The following DUSP22 variants were observed in gnomAD, a reference collection of about 807,000 sequenced individuals.
DUSP22 encodes dual specificity phosphatase 22.
In DUSP22, 24 loss-of-function variants were observed where a neutral mutation model predicts 24.5. The observed-to-expected ratio is 0.98, with a 90% CI of 0.71 to 1.38. The LOEUF is 1.38. Among genes scored for constraint, DUSP22 ranks in the 40% most tolerant of loss-of-function variants. The probability of loss-of-function intolerance (pLI) is 0.00; values close to 1 mark genes in which losing one functional copy is unlikely to be tolerated. For missense variants in DUSP22, 330 were observed against 269.2 expected (o/e 1.23, Z -1.58); for synonymous variants, 160 against 106.4 (o/e 1.50, Z -3.10).
Position 317,615 on chromosome 6 carries a change from C to G in DUSP22, c.138+5653C>G, listed in dbSNP as rs541406923. On this transcript the variant is annotated intron_variant, in intron 3 of 6. Coordinates refer to ENST00000419235, the MANE Select transcript of DUSP22 (RefSeq NM_001286555.3). The stretch of plus-strand genomic sequence containing the variant: ...AGTTGGGCCATGAGACACGTGTGCA[C>G]TGTCCCTGCTTCTGTAGGATATTAA... 1.1e-4 allele frequency among the ~76,000 whole-genome samples: 17 copies of G among 152,408 alleles called. No individual in the cohort carries two copies. In the East Asian group the frequency reaches 2.1e-3, roughly 19 times the overall value.
In DUSP22 at chr6:333,251, C is replaced by CTT. The variant is rs547482623; in HGVS notation, c.139-1861_139-1860dup. ...AAAGGAGGGAGAAGCTGCTGCCTCA[C>CTT]TTTCCTCTTCCACCAGCAGATTCTA... On this transcript the variant is annotated intron_variant, in intron 3 of 6. Transcript: ENST00000419235. Among the ~76,000 whole-genome samples the CTT allele has an allele frequency of 5.2e-5, 8 of 152,408 alleles. No individual in the cohort carries two copies. In the East Asian group the frequency reaches 1.5e-3, roughly 29 times the overall value.
chr6:345,578 G>A (rs1162454109), intron 4 of DUSP22, among the ~76,000 whole-genome samples: 3 of 152,312 alleles, frequency 2.0e-5, no homozygotes, highest in Non-Finnish European at 4.4e-5. Context: ...TATGTTTCAA[G>A]ATAGCTACAA....
intron 4 of DUSP22, among the ~76,000 whole-genome samples, chr6:335,529 T>C (rs1034793611): frequency 3.0e-4 from 46 of 152,278 alleles, no homozygotes; most frequent in Non-Finnish European, 6.3e-4. Flanking sequence ...TAGAAATAGA[T>C]AGTGAGCCAC....
chr6:335,108 C>T lies in DUSP22; in HGVS notation c.139-6C>T. On this transcript the variant is annotated splice_region_variant and splice_polypyrimidine_tract_variant and intron_variant, in intron 3 of 6. Transcript: ENST00000419235. Reference sequence around the variant, plus strand: ...TTTTATGTATTTACTTTTTATTATTCTGCAGGGAGTTAAATACCTGTGCAT... The same window carrying T: ...TTTTATGTATTTACTTTTTATTATTTTGCAGGGAGTTAAATACCTGTGCAT... 6 of 1,613,242 alleles carry T rather than the reference C, an allele frequency of 3.7e-6. No homozygotes were observed. In the South Asian group the frequency reaches 6.6e-5, roughly 18 times the overall value.
chr6:301,997 G>T (rs1266076765), intron 1 of DUSP22, among the ~76,000 whole-genome samples: 2 of 152,306 alleles, frequency 1.3e-5, no homozygotes, highest in Non-Finnish European at 2.9e-5. Flanking sequence ...GCAAAAATGG[G>T]CCATAATCTG....
At chr6:328,022 T>G (rs1249145603) in intron 3 of DUSP22, among the ~76,000 whole-genome samples, 1 of 152,302 alleles carries the variant, frequency 6.6e-6, no homozygotes, top group Admixed American at 6.5e-5. Flanking sequence ...GCAGCTGAGA[T>G]GTGTGATCAG....
chr6:325,039 G>A (rs186290324), intron 3 of DUSP22: 217 of 191,312 alleles, frequency 1.1e-3, no homozygotes, highest in Admixed American at 3.6e-3. Flanking sequence ...GAAGAGCAGT[G>A]TGGCCCTCTC....
chr6:319,610 C>A (rs1234083421), intron 3 of DUSP22, among the ~76,000 whole-genome samples: 5 of 152,294 alleles, frequency 3.3e-5, no homozygotes. Context: ...GCAAGATTTC[C>A]CATTTGCGTT....
chr6:315,177 T>C (rs1345810039), intron 3 of DUSP22, among the ~76,000 whole-genome samples: 1 of 152,298 alleles, frequency 6.6e-6, no homozygotes, highest in Non-Finnish European at 1.5e-5. Flanking sequence ...GGGTAGACCT[T>C]CCAGAATGAA....
rs1413850327 is a variant in DUSP22, at chr6:336,851, A to G, written c.188+1688A>G. Among the ~76,000 whole-genome samples the G allele has an allele frequency of 7.2e-5, 11 of 152,420 alleles. No individual in the cohort carries two copies. The South Asian group carries it at 2.3e-3, about 32-fold the overall frequency. The stretch of plus-strand genomic sequence containing the variant: ...CAGAAGTGGTTGGAAGGCATGGTGC[A>G]CACGGAAGGAAGTGAGCCACTGCCT... On this transcript the variant is annotated intron_variant, in intron 4 of 6. Transcript: ENST00000419235.
intron 4 of DUSP22, among the ~76,000 whole-genome samples, chr6:339,057 A>G (rs1331597665): frequency 2.0e-5 from 3 of 152,308 alleles, no homozygotes; most frequent in African/African-American, 7.2e-5. Context: ...TTGCCAAGTC[A>G]GGAAATGTAA....
chr6:320,661 GA>G (rs1758543977), intron 3 of DUSP22, among the ~76,000 whole-genome samples: 1 of 152,310 alleles, frequency 6.6e-6, no homozygotes, highest in Non-Finnish European at 1.5e-5. Context: ...TTTGTAAAGA[GA>G]GGGGTGTTGA....
In DUSP22 at chr6:349,110, C is replaced by T; in HGVS notation, c.*159C>T. Reference sequence around the variant, plus strand: ...CCAAGCAACACCGCCCAGCCCTGCTCCAGGCCCCTGCACTCCGCCCACCCC... The same window carrying T: ...CCAAGCAACACCGCCCAGCCCTGCTTCAGGCCCCTGCACTCCGCCCACCCC... On this transcript the variant is annotated 3_prime_UTR_variant, in exon 7 of 7. Coordinates refer to ENST00000419235, the MANE Select transcript of DUSP22 (RefSeq NM_001286555.3). 6.9e-7 allele frequency: 1 copy of T among 1,449,074 alleles called. No individual in the cohort carries two copies. Among genetic ancestry groups the T allele is most frequent in the South Asian group, 1.5e-5 (1 of 68,134 alleles). The allele number at this position is 1,449,074 out of a possible 1,614,324, so 89.8% of individuals were successfully genotyped here.
Position 304,628 on chromosome 6 carries a change from A to G in DUSP22, c.22A>G (p.Ile8Val), listed in dbSNP as rs769861594. The part of the protein sequence containing the change: MGNGMNK[I>V]LPGLYIGNFK... ...ATGTCTGTGTCTGTCTCTCTCCTAGATCCTGCCCGGCCTGTACATCGGCAA... is the reference window on the plus strand; with the variant it reads ...ATGTCTGTGTCTGTCTCTCTCCTAGGTCCTGCCCGGCCTGTACATCGGCAA... Residue 8 changes from isoleucine (I) to valine (V), a missense_variant and splice_region_variant, in exon 2 of 7, where the codon ATC (isoleucine) becomes GTC (valine). Transcript: ENST00000419235. 14 of 1,614,126 alleles carry G rather than the reference A, an allele frequency of 8.7e-6. No homozygotes were observed. The highest frequency in any genetic ancestry group is 1.1e-5 in the Non-Finnish European group (13 of 1,180,014).
chr6:301,404 G>A (rs1450854193), intron 1 of DUSP22, among the ~76,000 whole-genome samples: 1 of 152,306 alleles, frequency 6.6e-6, no homozygotes, highest in Non-Finnish European at 1.5e-5. Flanking sequence ...AAGAAGTTGG[G>A]GGAAATCCTT....
intron 4 of DUSP22, among the ~76,000 whole-genome samples, chr6:343,137 C>T (rs1457074891): frequency 6.6e-6 from 1 of 152,306 alleles, no homozygotes; most frequent in Non-Finnish European, 1.5e-5. Flanking sequence ...CAGCAGGAAT[C>T]CTTTCTTGCC....
chr6:345,659 A>T (rs575106299), intron 4 of DUSP22, among the ~76,000 whole-genome samples, 195 bp from the exon 5 acceptor site: 383 of 152,290 alleles, frequency 2.5e-3, no homozygotes, highest in Admixed American at 5.0e-3. Flanking sequence ...TCAGGTAATT[A>T]TCCTGATTTG....
chr6:326,734 A>G (rs1187893500), intron 3 of DUSP22, among the ~76,000 whole-genome samples: 3 of 152,312 alleles, frequency 2.0e-5, no homozygotes, highest in African/African-American at 7.2e-5. Flanking sequence ...CACATGTCAC[A>G]TTGACTTTCC....
At chr6:342,957 G>T (rs1451333998) in intron 4 of DUSP22, among the ~76,000 whole-genome samples, 1 of 152,308 alleles carries the variant, frequency 6.6e-6, no homozygotes. Context: ...TGTGCTGAAG[G>T]TGTGGGGAGC....
Sources: allele counts gnomAD v4.1 joint callset (sites outside exome capture counted in the v4.1 genomes callset), GRCh38; gene constraint gnomAD v4.1.1; transcripts MANE v1.5; gene names NCBI Gene and HGNC (gene_info 2026-07-23, HGNC 2026-07-21).